Variants in PRICKLE2 observed in about 807,000 individuals in gnomAD.
PRICKLE2 encodes prickle-like protein 2.
In PRICKLE2, 21 loss-of-function variants were observed where a neutral mutation model predicts 81.4. The observed-to-expected ratio is 0.26, with a 90% CI of 0.18 to 0.37. The LOEUF (loss-of-function observed/expected upper bound fraction) is 0.37, where lower values mean the gene tolerates loss of function less well. Ranked by LOEUF, PRICKLE2 falls within the 10% of genes least tolerant of loss-of-function variation. PRICKLE2 has a pLI of 1.00. For missense variants in PRICKLE2, 940 were observed against 1,109.0 expected (o/e 0.85, Z 2.16); for synonymous variants, 456 against 421.5 (o/e 1.08, Z -1.00).
At chr3:64,121,129 T>C (rs537228309) in intron 7 of PRICKLE2, among the ~76,000 whole-genome samples, 2 of 152,338 alleles carry the variant, frequency 1.3e-5, no homozygotes, top group African/African-American at 4.8e-5. Context: ...TGGTAGGAGC[T>C]GAGTACCTGG....
At chr3:64,184,799 A>T (rs1291852029) in intron 2 of PRICKLE2, among the ~76,000 whole-genome samples, 1 of 152,200 alleles carries the variant, frequency 6.6e-6, no homozygotes. Context: ...GCTGTTTCTC[A>T]TGGCATATTC....
intron 6 of PRICKLE2, among the ~76,000 whole-genome samples, chr3:64,149,812 G>A (rs893715078): frequency 7.9e-5 from 12 of 152,090 alleles, no homozygotes; most frequent in East Asian, 1.9e-4. Flanking sequence ...AATTCTTCTC[G>A]TATTAGCTCT....
intron 7 of PRICKLE2, among the ~76,000 whole-genome samples, chr3:64,104,282 A>T (rs1040721456): frequency 1.8e-4 from 28 of 152,230 alleles, no homozygotes; most frequent in African/African-American, 6.8e-4. Flanking sequence ...ACCTAAGATG[A>T]TGAATGAGTG....
rs977477928 is a variant in PRICKLE2, at chr3:64,095,150, T to A, written c.*3901A>T. On this transcript the variant is annotated 3_prime_UTR_variant, in exon 8 of 8. Coordinates refer to ENST00000638394, the MANE Select transcript of PRICKLE2 (RefSeq NM_198859.4). The stretch of plus-strand genomic sequence containing the variant: ...TACCTCACCTCTGCAAAATGAAGAC[T>A]GCCTATAGTAATTGGCAGAGAACAT... The A allele has an allele frequency of 6.6e-6, 1 of 152,302 alleles. No homozygotes were observed. Among genetic ancestry groups the A allele is most frequent in the Admixed American group, 6.5e-5 (1 of 15,270 alleles). The allele number at this position is 152,302 out of a possible 1,614,324, so 9.4% of individuals were successfully genotyped here.
intron 2 of PRICKLE2, among the ~76,000 whole-genome samples, chr3:64,180,053 A>T (rs989269496): frequency 6.6e-6 from 1 of 152,236 alleles, no homozygotes; most frequent in Non-Finnish European, 1.5e-5. Flanking sequence ...TGAAAGCCAC[A>T]TGGATCAGTT....
At chr3:64,219,124 G>A (rs1002339203) in intron 1 of PRICKLE2, among the ~76,000 whole-genome samples, 1 of 152,194 alleles carries the variant, frequency 6.6e-6, no homozygotes, top group African/African-American at 2.4e-5. Flanking sequence ...ACACAGAGAA[G>A]TCAGGTCCTG....
intron 7 of PRICKLE2, among the ~76,000 whole-genome samples, chr3:64,125,140 T>A (rs1198681034): frequency 6.6e-6 from 1 of 152,180 alleles, no homozygotes; most frequent in Non-Finnish European, 1.5e-5. Context: ...GCAGGTATAG[T>A]GGAAATAGCA....
At chr3:64,234,117 A>G (rs1180141880) in intron 2 of PRICKLE2, among the ~76,000 whole-genome samples, 1 of 152,138 alleles carries the variant, frequency 6.6e-6, no homozygotes, top group Non-Finnish European at 1.5e-5. Flanking sequence ...AAATAATGCT[A>G]CTATGAACAT....
rs1437543109 is a variant in PRICKLE2 at position 64,092,245 on chromosome 3, C to T, written c.*6806G>A. 1 of 152,204 alleles carries T rather than the reference C, an allele frequency of 6.6e-6. No homozygotes were observed. The highest frequency in any genetic ancestry group is 1.5e-5 in the Non-Finnish European group (1 of 68,044). 9.4% of individuals were successfully genotyped at this position (152,204 alleles called of 1,614,324 possible). On this transcript the variant is annotated 3_prime_UTR_variant, in exon 8 of 8. Transcript: ENST00000638394. ...AGCAGAACAGGCACAATTGCCATTT[C>T]CAGTTCAAGTTTTTATTCAAAAGCT...
chr3:64,199,565 T>C (rs1228508797), intron 1 of PRICKLE2: 1 of 152,850 alleles, frequency 6.5e-6, no homozygotes, highest in African/African-American at 2.4e-5. Flanking sequence ...CCATTAAAGA[T>C]CCCTGTAGGT....
At chr3:64,172,539 A>G (rs947974871) in intron 2 of PRICKLE2, among the ~76,000 whole-genome samples, 2 of 152,218 alleles carry the variant, frequency 1.3e-5, no homozygotes, top group African/African-American at 4.8e-5. Flanking sequence ...CCATCTGTAA[A>G]TTGGGGACAA....
At chr3:64,107,764 G>A (rs769903375) in intron 7 of PRICKLE2, among the ~76,000 whole-genome samples, 2 of 152,100 alleles carry the variant, frequency 1.3e-5, no homozygotes, top group Admixed American at 6.6e-5. Flanking sequence ...GTAGGATCAC[G>A]GTTACAGTGA....
intron 2 of PRICKLE2, among the ~76,000 whole-genome samples, chr3:64,244,159 T>TA (rs1484703553): frequency 1.3e-5 from 2 of 152,282 alleles, no homozygotes; most frequent in African/African-American, 4.8e-5. Context: ...TTTGGGAAGT[T>TA]ACCGTATTTT....
chr3:64,151,051 T>C (rs918426785), intron 6 of PRICKLE2, among the ~76,000 whole-genome samples: 1 of 152,226 alleles, frequency 6.6e-6, no homozygotes, highest in Non-Finnish European at 1.5e-5. Flanking sequence ...GGTCTGTTTA[T>C]AGGACTGTTT....
chr3:64,200,215 C>G (rs2078546080), intron 1 of PRICKLE2: 1 of 152,174 alleles, frequency 6.6e-6, no homozygotes, highest in African/African-American at 2.4e-5. Context: ...TAAATGCAAT[C>G]ATATAATATG....
chr3:64,260,015 C>T (rs2079593296), intron 2 of PRICKLE2, among the ~76,000 whole-genome samples: 1 of 152,164 alleles, frequency 6.6e-6, no homozygotes, highest in African/African-American at 2.4e-5. Context: ...TACAAAATGG[C>T]AACAGGTGTC....
intron 7 of PRICKLE2, chr3:64,145,547 A>T (rs2077435761): frequency 6.6e-6 from 1 of 151,792 alleles, no homozygotes; most frequent in African/African-American, 2.4e-5. Context: ...TCCCACGCAC[A>T]CAAAACCAGC....
chr3:64,100,420 A>T, intron 7 of PRICKLE2: 1 of 159,492 alleles, frequency 6.3e-6, no homozygotes, highest in Admixed American at 5.8e-5. Context: ...CTTCTCTGTT[A>T]GCCCGCAGCA....
chr3:64,147,680 G>C lies in PRICKLE2; in HGVS notation c.810C>G (p.Thr270=). 6.2e-7 allele frequency: 1 copy of C among 1,613,834 alleles called. No individual in the cohort carries two copies. The highest frequency in any genetic ancestry group is 8.5e-7 in the Non-Finnish European group (1 of 1,180,026). ...QHIGIDQGQM[T]YDGQHWHATE... is the part of the protein sequence containing the mutation. ...TGGCATGCCAGTGTTGGCCATCATA[G>C]GTCATTTGACCTTGGTCGATACCTA... Residue 270 remains threonine, a synonymous_variant, in exon 7 of 8, where the codon ACC becomes ACG. Transcript: ENST00000638394. The surrounding 1 kb of genome is among the most constrained non-coding windows in gnomAD (Gnocchi z 5.0).
Sources: gnomAD v4.1 joint callset for allele counts (sites outside exome capture counted in the v4.1 genomes callset) on GRCh38, gnomAD v4.1.1 for gene constraint, Gnocchi (gnomAD v3.1) non-coding constraint, MANE v1.5 for transcripts, NCBI Gene and HGNC (gene_info 2026-07-23, HGNC 2026-07-21) for gene names.